The following GRK3 variants were observed in gnomAD, a reference collection of about 807,000 sequenced individuals.
GRK3 encodes the protein G protein-coupled receptor kinase 3, also known as adrenergic, beta, receptor kinase 2.
In GRK3, 54 loss-of-function variants were observed where a neutral mutation model predicts 95.7. The observed-to-expected ratio is 0.56, with a 90% confidence interval of 0.45 to 0.71. GRK3 has a LOEUF of 0.71. Among genes scored for constraint, GRK3 ranks in the 30% least tolerant of loss-of-function variants. The probability of loss-of-function intolerance (pLI) is 0.00; values close to 1 mark genes in which losing one functional copy is unlikely to be tolerated. For missense variants in GRK3, 649 were observed against 851.2 expected, an observed-to-expected ratio of 0.76 and a Z score of 2.96; for synonymous variants, 281 against 290.8, an observed-to-expected ratio of 0.97 and a Z score of 0.34.
chr22:25,593,022 A>C (rs1932548122), intron 1 of GRK3, among the ~76,000 whole-genome samples: 1 of 152,140 alleles, frequency 6.6e-6, no homozygotes, highest in African/African-American at 2.4e-5. Context: ...ATAGTATCCC[A>C]TGGTGTATAT....
At chr22:25,632,343 G>C (rs1299905930) in intron 2 of GRK3, among the ~76,000 whole-genome samples, 2 of 152,020 alleles carry the variant, frequency 1.3e-5, no homozygotes, top group Non-Finnish European at 2.9e-5. Context: ...TATCTTCTTT[G>C]GTGAAAGTGT....
At chr22:25,595,262 A>G (rs545013858) in intron 1 of GRK3, among the ~76,000 whole-genome samples, 1 of 152,188 alleles carries the variant, frequency 6.6e-6, no homozygotes, top group African/African-American at 2.4e-5. Context: ...AAAACCCTAA[A>G]GACTCTGCCA....
chr22:25,596,583 G>A (rs1271240965), intron 1 of GRK3, among the ~76,000 whole-genome samples: 1 of 152,190 alleles, frequency 6.6e-6, no homozygotes, highest in African/African-American at 2.4e-5. Flanking sequence ...ACTTCTCATA[G>A]CTAGGTATAA....
intron 13 of GRK3, chr22:25,702,963 C>T (rs971609687): frequency 2.2e-6 from 1 of 450,356 alleles, no homozygotes; most frequent in African/African-American, 2.0e-5. Flanking sequence ...AGGAAGCGCT[C>T]AGAGCTGTGG....
chr22:25,691,981 T>C (rs77593127), intron 12 of GRK3, among the ~76,000 whole-genome samples: 10,298 of 152,140 alleles, frequency 0.068, 1,101 homozygotes, highest in African/African-American at 0.23. Flanking sequence ...TTTATTTTTT[T>C]GAGACAGGGT....
At chr22:25,687,771 C>T in intron 11 of GRK3, 104 bp downstream of exon 11, 15 of 1,299,822 alleles carry the variant, frequency 1.2e-5, no homozygotes, top group South Asian at 6.8e-5. Flanking sequence ...CCTCATAGCC[C>T]TCATCTCAGC....
chr22:25,574,415 C>T (rs959242516), intron 1 of GRK3, among the ~76,000 whole-genome samples: 2 of 152,126 alleles, frequency 1.3e-5, no homozygotes, highest in African/African-American at 4.8e-5. Flanking sequence ...TTTCTTGAGC[C>T]CAGGAGGCAG....
intron 2 of GRK3, among the ~76,000 whole-genome samples, chr22:25,610,585 A>C (rs1298309260): frequency 2.0e-5 from 3 of 152,186 alleles, no homozygotes; most frequent in East Asian, 1.9e-4. Flanking sequence ...ACAATTTAAA[A>C]ACATTTCCAT....
rs1329670756 is a variant in GRK3, at chr22:25,722,393, A to G, written c.2010A>G (p.Ser670=). Residue 670 remains serine, a synonymous_variant, in exon 21 of 21, where the codon TCA becomes TCG. Coordinates refer to ENST00000324198, the MANE Select transcript of GRK3 (RefSeq NM_005160.4). ...CGAAGTTCCTCAACAAACCTCGGTC[A>G]GGTACTGTGGAGCTCCCAAAGCCAT... ...RAPKFLNKPR[S]GTVELPKPSL... 3 of 1,614,094 alleles carry G rather than the reference A, an allele frequency of 1.9e-6. No individual in the cohort carries two copies. In the African/African-American group the frequency reaches 4.0e-5, roughly 22 times the overall value.
At chr22:25,720,637 C>T (rs767940038) in intron 19 of GRK3, among the ~76,000 whole-genome samples, 5 of 151,646 alleles carry the variant, frequency 3.3e-5, no homozygotes, top group East Asian at 1.9e-4. Context: ...CTACCACGCC[C>T]GGCTAATTTT....
Position 25,604,359 on chromosome 22 carries a change from G to T in GRK3, c.114-18G>T, listed in dbSNP as rs765386532. 6 of 1,593,358 alleles carry T rather than the reference G, an allele frequency of 3.8e-6. No homozygotes were observed. Among genetic ancestry groups the T allele is most frequent in the Non-Finnish European group, 5.1e-6 (6 of 1,166,166 alleles). Reference sequence around the variant, plus strand: ...ATGTAGGCTGTATTGTTAAAAATGTGTCACTCTTCCCTTCCAGTATCCGGA... The same window carrying T: ...ATGTAGGCTGTATTGTTAAAAATGTTTCACTCTTCCCTTCCAGTATCCGGA... On this transcript the variant is annotated intron_variant, in intron 1 of 20. Coordinates refer to ENST00000324198, the MANE Select transcript of GRK3 (RefSeq NM_005160.4).
At chr22:25,649,875 T>C (rs1177794288) in intron 3 of GRK3, among the ~76,000 whole-genome samples, 2 of 152,202 alleles carry the variant, frequency 1.3e-5, no homozygotes, top group African/African-American at 4.8e-5. Flanking sequence ...TTAACATTCA[T>C]ATTAATGGAA....
intron 13 of GRK3, among the ~76,000 whole-genome samples, chr22:25,701,465 GATA>G (rs1476297650): frequency 6.6e-6 from 1 of 152,204 alleles, no homozygotes; most frequent in Non-Finnish European, 1.5e-5. Flanking sequence ...AGCATTTTCT[GATA>G]ATTTCTCATT....
intron 1 of GRK3, among the ~76,000 whole-genome samples, chr22:25,567,453 TG>T: frequency 6.6e-6 from 1 of 152,316 alleles, no homozygotes; most frequent in Admixed American, 6.5e-5. Context: ...ATTTGGAGGT[TG>T]GGGGTTGGGG....
Position 25,661,574 on chromosome 22 carries a change from A to T in GRK3, c.265-2A>T. The T allele has an allele frequency of 6.3e-7, 1 of 1,597,160 alleles. No homozygotes were observed. The highest frequency in any genetic ancestry group is 8.6e-7 in the Non-Finnish European group (1 of 1,166,236). ...TAACAATGATAACTTTAAAAAACCT[A>T]GATAAAGGAATATGAAAAACTTGAT... On this transcript the variant is annotated splice_acceptor_variant, in intron 3 of 20. Coordinates refer to ENST00000324198, the MANE Select transcript of GRK3 (RefSeq NM_005160.4). LOFTEE classifies it high-confidence loss of function.
chr22:25,703,530 A>G lies in GRK3; in HGVS notation c.1181A>G (p.His394Arg), dbSNP rs1490381903. The G allele has an allele frequency of 6.2e-7, 1 of 1,613,498 alleles. No homozygotes were observed. The highest frequency in any genetic ancestry group is 1.7e-5 in the Admixed American group (1 of 60,012). Residue 394 changes from histidine to arginine, a missense_variant, in exon 14 of 21, where the codon CAT becomes CGT. By Grantham distance (29) the His-to-Arg change is conservative. Coordinates refer to ENST00000324198, the MANE Select transcript of GRK3 (RefSeq NM_005160.4). Reference sequence around the variant, plus strand: ...TACAGTCACAGCCCTTTCAGACAACATAAAACCAAAGACAAGCATGAAATT... The same window carrying G: ...TACAGTCACAGCCCTTTCAGACAACGTAAAACCAAAGACAAGCATGAAATT... The part of the protein sequence containing the change: ...LLRGHSPFRQ[H>R]KTKDKHEIDR...
At chr22:25,708,845 C>G (rs556035092) in intron 15 of GRK3, among the ~76,000 whole-genome samples, 1 of 148,542 alleles carries the variant, frequency 6.7e-6, no homozygotes, top group Non-Finnish European at 1.5e-5. Context: ...GTATTTTAGT[C>G]GAGACAGGGT....
At chr22:25,576,312 C>G (rs1417858709) in intron 1 of GRK3, among the ~76,000 whole-genome samples, 1 of 152,182 alleles carries the variant, frequency 6.6e-6, no homozygotes, top group Non-Finnish European at 1.5e-5. Flanking sequence ...GTGGCTTACG[C>G]TGGATGTCCA....
rs1435555690 is a variant in GRK3, at chr22:25,724,920, G to A, written c.*2470G>A. ...CTGTCACCCAGGCTGGAGAACAGTG[G>A]GATGATCATGGCTCACTGCAGCCTT... On this transcript the variant is annotated 3_prime_UTR_variant, in exon 21 of 21. Transcript: ENST00000324198. 2.6e-5 allele frequency: 4 copies of A among 152,126 alleles called. No homozygotes were observed. The highest frequency in any genetic ancestry group is 2.0e-4 in the Admixed American group (3 of 15,250). The allele number at this position is 152,126 out of a possible 1,614,324, so 9.4% of individuals were successfully genotyped here.
Sources: allele counts gnomAD v4.1 joint callset (sites outside exome capture counted in the v4.1 genomes callset), GRCh38; gene constraint gnomAD v4.1.1; transcripts MANE v1.5; gene names NCBI Gene and HGNC (gene_info 2026-07-23, HGNC 2026-07-21).